Variants in CNKSR2 observed in about 807,000 individuals in gnomAD.
The protein encoded by CNKSR2 is connector enhancer of kinase suppressor of Ras 2.
Under a neutral mutation model 84.4 loss-of-function variants are expected in CNKSR2, and 14 were observed. The observed-to-expected ratio is 0.17, with a 90% CI of 0.11 to 0.26. The LOEUF (loss-of-function observed/expected upper bound fraction) is 0.26, where lower values mean the gene tolerates loss of function less well. Ranked by LOEUF, CNKSR2 falls within the 10% of genes least tolerant of loss-of-function variation. CNKSR2 has a pLI of 1.00. For synonymous variants in CNKSR2, 275 were observed against 277.9 expected (o/e 0.99, Z 0.10); for missense variants, 485 against 771.2 (o/e 0.63, Z 4.40).
intron 1 of CNKSR2, among the ~76,000 whole-genome samples, chrX:21,390,225 A>G (rs2090029682): frequency 8.9e-6 from 1 of 112,036 alleles, no homozygotes; most frequent in Non-Finnish European, 1.9e-5. Context: ...AATCAGCTGT[A>G]TATATAAATG....
intron 13 of CNKSR2, among the ~76,000 whole-genome samples, chrX:21,587,006 A>C (rs1452930686): frequency 8.9e-6 from 1 of 111,984 alleles, no homozygotes; most frequent in Non-Finnish European, 1.9e-5. Context: ...TTTCAATACA[A>C]CACAAAAATT....
intron 1 of CNKSR2, among the ~76,000 whole-genome samples, chrX:21,396,426 TCAAA>T (rs1414030566): frequency 9.0e-6 from 1 of 111,160 alleles, no homozygotes; most frequent in Non-Finnish European, 1.9e-5. Flanking sequence ...TGTGAATGCA[TCAAA>T]CAGATTTTTT....
intron 20 of CNKSR2, chrX:21,642,854 T>C (rs2092696018): frequency 1.3e-5 from 10 of 743,789 alleles, no homozygotes; most frequent in Non-Finnish European, 1.6e-5. Flanking sequence ...AAAATCACAT[T>C]GATCTGCCTT....
At chrX:21,478,165 C>G (rs1463937344) in intron 5 of CNKSR2, among the ~76,000 whole-genome samples, 1 of 111,622 alleles carries the variant, frequency 9.0e-6, no homozygotes, top group African/African-American at 3.3e-5. Flanking sequence ...TCTCAGCCCC[C>G]TTTATTATCT....
intron 1 of CNKSR2, among the ~76,000 whole-genome samples, chrX:21,418,357 G>GT (rs1392946275): frequency 1.6e-4 from 18 of 110,852 alleles, no homozygotes; most frequent in Non-Finnish European, 2.8e-4. Context: ...AATATTCTGT[G>GT]TTTTTTTTGT....
At chrX:21,502,021 T>C (rs1464293655) in intron 8 of CNKSR2, among the ~76,000 whole-genome samples, 5 of 108,573 alleles carry the variant, frequency 4.6e-5, no homozygotes, top group Non-Finnish European at 9.7e-5. Flanking sequence ...TTCATTAAAG[T>C]ATCTGGTGGT....
chrX:21,476,634 A>G (rs2091263081), intron 5 of CNKSR2, among the ~76,000 whole-genome samples: 1 of 110,840 alleles, frequency 9.0e-6, no homozygotes, highest in Non-Finnish European at 1.9e-5. Flanking sequence ...TTGGGCAGGG[A>G]TGTCTGTTAA....
At chrX:21,603,680 G>A (rs754123331) in intron 18 of CNKSR2, among the ~76,000 whole-genome samples, 1 of 112,505 alleles carries the variant, frequency 8.9e-6, no homozygotes, top group East Asian at 2.8e-4. Flanking sequence ...CAGCTGCCAA[G>A]ATAGCAATTT....
At chrX:21,597,914 A>T (rs2147262631) in intron 17 of CNKSR2, among the ~76,000 whole-genome samples, 1 of 108,614 alleles carries the variant, frequency 9.2e-6, no homozygotes, top group East Asian at 2.8e-4. Flanking sequence ...TTCCTCATTT[A>T]AAAAAAACAA....
At chrX:21,481,694 C>A (rs1182838659) in intron 5 of CNKSR2, among the ~76,000 whole-genome samples, 2 of 111,693 alleles carry the variant, frequency 1.8e-5, no homozygotes, top group Non-Finnish European at 3.8e-5. Flanking sequence ...CCCTTTAAAA[C>A]AAGATTCAAA....
At chrX:21,432,508 C>G in intron 2 of CNKSR2, 104 bp from the exon 3 acceptor site, 1 of 566,926 alleles carries the variant, frequency 1.8e-6, no homozygotes, top group Non-Finnish European at 2.9e-6. Context: ...ATTTGTAACT[C>G]GAATGCTACC....
At chrX:21,650,135 T>C (rs1602075322) in intron 21 of CNKSR2, among the ~76,000 whole-genome samples, 1 of 111,578 alleles carries the variant, frequency 9.0e-6, no homozygotes, top group Non-Finnish European at 1.9e-5. Context: ...TGTATGTTTA[T>C]TGTGGCACTG....
chrX:21,493,409 C>T (rs1226822940), intron 6 of CNKSR2: 2 of 111,712 alleles, frequency 1.8e-5, no homozygotes, highest in Admixed American at 9.5e-5. Flanking sequence ...CCAAATATGC[C>T]TTATTCCACC....
Position 21,376,271 on chromosome X carries a change from C to G in CNKSR2, c.64+1310C>G, listed in dbSNP as rs141214481. 2.8e-3 allele frequency among the ~76,000 whole-genome samples: 311 copies of G among 111,903 alleles called. 1 individual carries two copies. The highest frequency in any genetic ancestry group is 9.3e-3 in the Middle Eastern group (2 of 216). Reference sequence around the variant, plus strand: ...CATTCTTTTCCCCAGCCTTTTTGGCCGCTTGCTTATTCTTGTGGATTTTTC... The same window carrying G: ...CATTCTTTTCCCCAGCCTTTTTGGCGGCTTGCTTATTCTTGTGGATTTTTC... On this transcript the variant is annotated intron_variant, in intron 1 of 21. Coordinates refer to ENST00000379510, the MANE Select transcript of CNKSR2 (RefSeq NM_014927.5).
chrX:21,624,603 G>A (rs900269333), intron 20 of CNKSR2, among the ~76,000 whole-genome samples: 1 of 110,560 alleles, frequency 9.0e-6, no homozygotes, highest in Admixed American at 9.7e-5. Flanking sequence ...TTCACCTCCC[G>A]GGTTCAAGCA....
chrX:21,452,861 T>C (rs1049072391), intron 4 of CNKSR2, among the ~76,000 whole-genome samples: 14 of 106,900 alleles, frequency 1.3e-4, no homozygotes, highest in Non-Finnish European at 1.9e-4. Context: ...GCTTTTGAAC[T>C]ACATTTCTAT....
At chrX:21,591,355 G>A in intron 15 of CNKSR2, 161 bp downstream of exon 15, 1 of 362,854 alleles carries the variant, frequency 2.8e-6, no homozygotes, top group Non-Finnish European at 4.7e-6. Context: ...ATTGCATGTT[G>A]GGGTTCTAGA....
chrX:21,476,829 A>G (rs768720021), intron 5 of CNKSR2, among the ~76,000 whole-genome samples: 2 of 112,182 alleles, frequency 1.8e-5, no homozygotes, highest in South Asian at 3.7e-4. Context: ...TTTCACTTCT[A>G]TTGATCTGAT....
rs200754387 is a variant in CNKSR2, at chrX:21,566,860, CTCATTA to C, written c.1608+3411_1608+3416del. 2.4e-3 allele frequency among the ~76,000 whole-genome samples: 265 copies of C among 111,617 alleles called. 2 individuals carry two copies. The highest frequency in any genetic ancestry group is 0.019 in the Admixed American group (195 of 10,482). ...AATATTGTTTGGCTTCAGGGTTCAA[CTCATTA>C]TCCTATAATGAAGACTTAGAAGTGT... is the stretch of plus-strand genomic sequence containing the variant. On this transcript the variant is annotated intron_variant, in intron 13 of 21. Transcript: ENST00000379510.
Sources: allele counts gnomAD v4.1 joint callset (sites outside exome capture counted in the v4.1 genomes callset), GRCh38; gene constraint gnomAD v4.1.1; transcripts MANE v1.5; gene names NCBI Gene and HGNC (gene_info 2026-07-23, HGNC 2026-07-21).